Variants in WWOX observed in about 807,000 individuals in gnomAD.
WWOX encodes the protein WW domain-containing oxidoreductase.
A neutral mutation model predicts 46.2 loss-of-function variants in WWOX; 69 were observed. That is an observed-to-expected ratio of 1.49 (90% CI 1.23 to 1.82). WWOX has a LOEUF of 1.82. WWOX is among the 40% of genes most tolerant of loss of function. WWOX has a pLI of 0.00. For missense variants in WWOX, 919 were observed against 542.6 expected (o/e 1.69, Z -6.89); for synonymous variants, 359 against 202.6 (o/e 1.77, Z -6.56).
chr16:78,955,991 CAAAAA>C (rs35717909), intron 8 of WWOX, among the ~76,000 whole-genome samples: 1 of 147,876 alleles, frequency 6.8e-6, no homozygotes, highest in Non-Finnish European at 1.5e-5. Context: ...AAACAAAAAA[CAAAAA>C]AAAACACAAA....
At chr16:78,744,566 G>A (rs1279380658) in intron 8 of WWOX, among the ~76,000 whole-genome samples, 1 of 151,526 alleles carries the variant, frequency 6.6e-6, no homozygotes, top group African/African-American at 2.4e-5. Context: ...CGAGTAGCTG[G>A]GATTACAGGC....
chr16:79,122,931 C>T (rs890894150), intron 8 of WWOX, among the ~76,000 whole-genome samples: 2 of 152,180 alleles, frequency 1.3e-5, no homozygotes, highest in African/African-American at 4.8e-5. Context: ...AGCAATGGGA[C>T]CCTTGCCGGG....
At position 78,997,146 on chromosome 16, in the gene WWOX, C is replaced by A. The variant is rs8060781; in HGVS notation, c.1057-214462C>A. On this transcript the variant is annotated intron_variant, in intron 8 of 8. Coordinates refer to ENST00000566780, the MANE Select transcript of WWOX (RefSeq NM_016373.4). Reference sequence around the variant, plus strand: ...ATGTTCGAGTGGTTCGTGTGTGTGCCTGGTGAGGGGGGTGCTATTTTCCGG... The same window carrying A: ...ATGTTCGAGTGGTTCGTGTGTGTGCATGGTGAGGGGGGTGCTATTTTCCGG... 6.6e-5 allele frequency among the ~76,000 whole-genome samples: 10 copies of A among 151,738 alleles called. No individual in the cohort carries two copies. In the East Asian group the frequency reaches 7.8e-4, roughly 12 times the overall value.
intron 8 of WWOX, among the ~76,000 whole-genome samples, chr16:78,887,000 T>A (rs2151222009): frequency 6.6e-6 from 1 of 152,038 alleles, no homozygotes; most frequent in African/African-American, 2.4e-5. Flanking sequence ...AAATTTGAGT[T>A]TTCATATTGT....
chr16:78,976,766 G>A (rs183241430), intron 8 of WWOX, among the ~76,000 whole-genome samples: 17 of 152,288 alleles, frequency 1.1e-4, no homozygotes, highest in Middle Eastern at 3.4e-3. Context: ...TGCAACTACC[G>A]TTTAAAATAC....
intron 8 of WWOX, among the ~76,000 whole-genome samples, chr16:79,007,819 A>G (rs977651491): frequency 6.6e-6 from 1 of 152,236 alleles, no homozygotes; most frequent in Non-Finnish European, 1.5e-5. Context: ...TAGAGAAAGT[A>G]ATCATCATAA....
At chr16:78,989,743 C>A (rs763404558) in intron 8 of WWOX, among the ~76,000 whole-genome samples, 2 of 150,764 alleles carry the variant, frequency 1.3e-5, no homozygotes, top group African/African-American at 2.4e-5. Flanking sequence ...GCAAAGAGGG[C>A]GGTGAGATGC....
At chr16:78,599,265 C>T (rs990952780) in intron 8 of WWOX, among the ~76,000 whole-genome samples, 1 of 152,214 alleles carries the variant, frequency 6.6e-6, no homozygotes, top group Non-Finnish European at 1.5e-5. Flanking sequence ...GCTGGTCTAG[C>T]TTTGTCTGTG....
intron 8 of WWOX, among the ~76,000 whole-genome samples, chr16:78,924,377 A>G (rs528932981): frequency 6.6e-6 from 1 of 152,318 alleles, no homozygotes; most frequent in East Asian, 1.9e-4. Context: ...ATCATCAAAA[A>G]TGGAACTTGT....
At chr16:78,688,226 G>A (rs868028127) in intron 8 of WWOX, among the ~76,000 whole-genome samples, 4 of 151,892 alleles carry the variant, frequency 2.6e-5, no homozygotes. Flanking sequence ...GTTTTGAAAC[G>A]CAGTGATTTA....
At chr16:78,548,015 T>TGTG (rs2044082837) in intron 8 of WWOX, among the ~76,000 whole-genome samples, 1 of 151,286 alleles carries the variant, frequency 6.6e-6, no homozygotes. Flanking sequence ...ATTAGCCGGG[T>TGTG]GTGGTGGTGA....
chr16:78,921,056 C>T (rs770201533), intron 8 of WWOX, among the ~76,000 whole-genome samples: 10 of 152,064 alleles, frequency 6.6e-5, no homozygotes, highest in Admixed American at 6.6e-5. Context: ...CATTTCCAAC[C>T]AGATTTTGTG....
At chr16:78,912,077 G>C (rs2045126581) in intron 8 of WWOX, among the ~76,000 whole-genome samples, 1 of 151,852 alleles carries the variant, frequency 6.6e-6, no homozygotes, top group African/African-American at 2.4e-5. Flanking sequence ...GCCTTCATGA[G>C]TCTTGTTTCT....
intron 8 of WWOX, among the ~76,000 whole-genome samples, chr16:78,583,293 G>C (rs2045110394): frequency 6.6e-6 from 1 of 152,152 alleles, no homozygotes; most frequent in Admixed American, 6.6e-5. Flanking sequence ...CTTAGAGTGA[G>C]GGTACAACTG....
intron 8 of WWOX, among the ~76,000 whole-genome samples, chr16:78,671,143 C>G (rs534766361): frequency 6.6e-6 from 1 of 152,144 alleles, no homozygotes; most frequent in African/African-American, 2.4e-5. Flanking sequence ...TGCTGTTGGG[C>G]CAGGTACAGT....
chr16:78,131,513 C>T (rs1050549917), intron 4 of WWOX, among the ~76,000 whole-genome samples: 6 of 151,968 alleles, frequency 3.9e-5, no homozygotes, highest in East Asian at 1.9e-4. Flanking sequence ...CCACATCTGG[C>T]GAAACTCTGG....
intron 8 of WWOX, among the ~76,000 whole-genome samples, chr16:79,176,201 T>C (rs1455417321): frequency 6.6e-6 from 1 of 152,150 alleles, no homozygotes; most frequent in Non-Finnish European, 1.5e-5. Flanking sequence ...AAGGGGGATT[T>C]CTAACACAGA....
chr16:78,156,376 A>G (rs887344049), intron 4 of WWOX, among the ~76,000 whole-genome samples: 1 of 152,214 alleles, frequency 6.6e-6, no homozygotes. Context: ...CATCATTCAA[A>G]ACTACAGTGA....
intron 8 of WWOX, among the ~76,000 whole-genome samples, chr16:79,181,277 T>A (rs4888013): frequency 6.6e-6 from 1 of 152,196 alleles, no homozygotes; most frequent in African/African-American, 2.4e-5. Flanking sequence ...CAAAAATTTT[T>A]AAAAATGCTT....
Sources: allele counts gnomAD v4.1 joint callset (sites outside exome capture counted in the v4.1 genomes callset), GRCh38; gene constraint gnomAD v4.1.1; transcripts MANE v1.5; gene names NCBI Gene and HGNC (gene_info 2026-07-23, HGNC 2026-07-21).